GABRA3: variants seen among roughly 807,000 people sequenced by gnomAD.
GABRA3 encodes the protein gamma-aminobutyric acid type A receptor subunit alpha3.
In GABRA3, 10 loss-of-function variants were observed where a neutral mutation model predicts 30.1. That is an observed-to-expected ratio of 0.33 (90% CI 0.20 to 0.56). The LOEUF is 0.56. GABRA3 is among the 20% of genes least tolerant of loss of function. GABRA3 has a pLI of 0.89. For synonymous variants in GABRA3, 151 were observed against 146.8 expected, an observed-to-expected ratio of 1.03 and a Z score of -0.21; for missense variants, 233 against 392.0, an observed-to-expected ratio of 0.59 and a Z score of 3.42.
intron 9 of GABRA3, among the ~76,000 whole-genome samples, chrX:152,175,861 G>A (rs1937067716): frequency 1.8e-5 from 2 of 110,084 alleles, no homozygotes; most frequent in South Asian, 3.9e-4. Flanking sequence ...TCAGGAGATC[G>A]AGATCATCCT....
intron 1 of GABRA3, among the ~76,000 whole-genome samples, chrX:152,434,448 C>T (rs997238947): frequency 9.0e-6 from 1 of 110,908 alleles, no homozygotes; most frequent in African/African-American, 3.3e-5. Context: ...TAAACTCCCC[C>T]TCTGACTAAT....
At chrX:152,238,654 A>T (rs1358044209) in intron 5 of GABRA3, among the ~76,000 whole-genome samples, 1 of 109,149 alleles carries the variant, frequency 9.2e-6, no homozygotes, top group African/African-American at 3.3e-5. Context: ...ACTATTGATT[A>T]TTGCAACAAT....
chrX:152,275,865 T>G (rs914127745), intron 4 of GABRA3, among the ~76,000 whole-genome samples: 1 of 109,720 alleles, frequency 9.1e-6, no homozygotes, highest in Non-Finnish European at 1.9e-5. Context: ...GACAGTTAAT[T>G]TGGGAATACT....
At chrX:152,318,064 T>C (rs1197283862) in intron 3 of GABRA3, among the ~76,000 whole-genome samples, 4 of 111,242 alleles carry the variant, frequency 3.6e-5, no homozygotes, top group Non-Finnish European at 7.6e-5. Flanking sequence ...TGATAGATCA[T>C]TAGCAAGATT....
chrX:152,204,602 A>G (rs977708407), intron 7 of GABRA3, among the ~76,000 whole-genome samples: 9 of 112,177 alleles, frequency 8.0e-5, no homozygotes, highest in Non-Finnish European at 1.7e-4. Context: ...TTCAAGGGTT[A>G]AGTGAGTTAA....
At chrX:152,289,957 G>A (rs1412257365) in intron 3 of GABRA3, among the ~76,000 whole-genome samples, 3 of 111,857 alleles carry the variant, frequency 2.7e-5, no homozygotes, top group Non-Finnish European at 3.8e-5. Flanking sequence ...CTGCTATTGT[G>A]AATAGTGCCA....
At chrX:152,254,016 G>T (rs1010299152) in intron 5 of GABRA3, among the ~76,000 whole-genome samples, 1 of 111,588 alleles carries the variant, frequency 9.0e-6, no homozygotes, top group Non-Finnish European at 1.9e-5. Context: ...TAGCATTTTA[G>T]TTAACATAAT....
At chrX:152,257,910 A>C (rs1022105510) in intron 4 of GABRA3, among the ~76,000 whole-genome samples, 3 of 112,392 alleles carry the variant, frequency 2.7e-5, no homozygotes, top group African/African-American at 9.7e-5. Context: ...TGAAGTTTAC[A>C]AGCTGAAAAC....
chrX:152,228,585 T>C (rs1011234014), intron 5 of GABRA3, among the ~76,000 whole-genome samples: 1 of 111,372 alleles, frequency 9.0e-6, no homozygotes, highest in Admixed American at 9.5e-5. Flanking sequence ...ATTTTCTTTA[T>C]TAAACTCTCA....
chrX:152,287,570 C>G (rs1939320231), intron 3 of GABRA3, among the ~76,000 whole-genome samples: 1 of 111,253 alleles, frequency 9.0e-6, no homozygotes, highest in African/African-American at 3.3e-5. Flanking sequence ...AACTGTGAGA[C>G]AATTAAACCT....
At chrX:152,223,790 T>A (rs1348019988) in intron 6 of GABRA3, among the ~76,000 whole-genome samples, 1 of 110,687 alleles carries the variant, frequency 9.0e-6, no homozygotes, top group Non-Finnish European at 1.9e-5. Flanking sequence ...TAGGCATGGA[T>A]GATTCCCCTA....
At chrX:152,199,160 A>G (rs758852992) in intron 7 of GABRA3, among the ~76,000 whole-genome samples, 3 of 110,402 alleles carry the variant, frequency 2.7e-5, no homozygotes, top group Non-Finnish European at 3.8e-5. Context: ...AGGTCAGGAG[A>G]TCGAGACCAT....
chrX:152,259,174 T>A (rs911423765), intron 4 of GABRA3, among the ~76,000 whole-genome samples: 2 of 111,817 alleles, frequency 1.8e-5, no homozygotes, highest in Non-Finnish European at 3.8e-5. Context: ...GAGGGAGTAT[T>A]TATCCTAGCC....
At chrX:152,393,367 T>TAAACTCATATACACGA (rs1929545924) in intron 1 of GABRA3, 2 of 325,686 alleles carry the variant, frequency 6.1e-6, no homozygotes, top group Admixed American at 8.2e-5. Flanking sequence ...TCATAGAATA[T>TAAACTCATATACACGA]GAGTAAATAC....
chrX:152,358,366 G>A (rs1420765146), intron 2 of GABRA3, among the ~76,000 whole-genome samples: 1 of 111,519 alleles, frequency 9.0e-6, no homozygotes, highest in Non-Finnish European at 1.9e-5. Context: ...TGTTGTTGGT[G>A]TATGATGCTA....
At chrX:152,451,072 C>CG (rs1931208897) in intron 1 of GABRA3, 74 bp downstream of exon 1, 1 of 112,086 alleles carries the variant, frequency 8.9e-6, no homozygotes, top group Non-Finnish European at 1.9e-5. Context: ...ACTCTCAGTA[C>CG]GGGGGAGAGA....
intron 1 of GABRA3, among the ~76,000 whole-genome samples, chrX:152,375,757 T>C (rs894966348): frequency 3.6e-5 from 4 of 112,338 alleles, no homozygotes; most frequent in African/African-American, 1.3e-4. Flanking sequence ...CATTCTTCAA[T>C]AATCCTTCAA....
intron 1 of GABRA3, among the ~76,000 whole-genome samples, chrX:152,447,744 T>A (rs1030937483): frequency 1.8e-5 from 2 of 112,281 alleles, no homozygotes; most frequent in Non-Finnish European, 3.8e-5. Flanking sequence ...AAATTCTTCA[T>A]TAAAGGAGAT....
At chrX:152,286,561 T>C (rs1363504406) in intron 3 of GABRA3, among the ~76,000 whole-genome samples, 4 of 111,377 alleles carry the variant, frequency 3.6e-5, no homozygotes, top group Admixed American at 9.6e-5. Context: ...CACGGAAAGG[T>C]AGGGAACACA....
Sources: gnomAD v4.1 joint callset for allele counts (sites outside exome capture counted in the v4.1 genomes callset) on GRCh38, gnomAD v4.1.1 for gene constraint, MANE v1.5 for transcripts, NCBI Gene and HGNC (gene_info 2026-07-23, HGNC 2026-07-21) for gene names.